The following HUS1 variants were observed in gnomAD, a reference collection of about 807,000 sequenced individuals.
HUS1 encodes the protein checkpoint protein HUS1.
A neutral mutation model predicts 32.6 loss-of-function variants in HUS1; 31 were observed. The ratio of observed to expected loss-of-function variants is 0.95; its 90% CI spans 0.72 to 1.28. HUS1 has a LOEUF of 1.28. Among genes scored for constraint, HUS1 ranks in the 50% most tolerant of loss-of-function variants. HUS1 has a pLI of 0.00. For missense variants in HUS1, 340 were observed against 337.7 expected, an observed-to-expected ratio of 1.01 and a Z score of -0.05; for synonymous variants, 123 against 116.6, an observed-to-expected ratio of 1.06 and a Z score of -0.36.
chr7:47,966,257 G>A (rs1249614587), intron 7 of HUS1, among the ~76,000 whole-genome samples: 1 of 152,180 alleles, frequency 6.6e-6, no homozygotes, highest in Non-Finnish European at 1.5e-5. Flanking sequence ...AACAGAGACA[G>A]AAAAGGGGCT....
chr7:47,976,410 A>G (rs1296866781), intron 4 of HUS1: 1 of 470,358 alleles, frequency 2.1e-6, no homozygotes, highest in Non-Finnish European at 4.2e-6. Context: ...CGGCTGAGGA[A>G]AAGATCAAGT....
chr7:47,979,067 C>T (rs1788770765), intron 1 of HUS1, among the ~76,000 whole-genome samples: 2 of 152,038 alleles, frequency 1.3e-5, no homozygotes, highest in Admixed American at 6.5e-5. Context: ...TTCATTCATT[C>T]AACATGGATT....
chr7:47,967,896 C>T lies in HUS1; in HGVS notation c.670G>A (p.Val224Met), dbSNP rs765701835. The T allele has an allele frequency of 3.0e-5, 49 of 1,613,626 alleles. No individual in the cohort carries two copies. Among genetic ancestry groups the T allele is most frequent in the Middle Eastern group, 3.3e-4 (2 of 6,080 alleles). ...ATGTGCACTTCAGCCATGTGTTCCA[C>T]GTTTCTGTCCTCATGGGTGCTTTCA... is the stretch of plus-strand genomic sequence containing the variant. ...ASESTHEDRNVEHMAEVHIDI... is the reference protein window; with the variant it reads ...ASESTHEDRNMEHMAEVHIDI... Residue 224 changes from valine to methionine, a missense_variant, in exon 7 of 8, where the codon GTG (valine) becomes ATG (methionine). By Grantham distance (21) the Val-to-Met change is conservative (BLOSUM62 1). Transcript: ENST00000258774.
chr7:47,967,730 A>T, intron 7 of HUS1, 76 bp downstream of exon 7: 1 of 1,266,628 alleles, frequency 7.9e-7, no homozygotes, highest in Non-Finnish European at 1.1e-6. Flanking sequence ...ACTATATGCA[A>T]TCTGTTAGAC....
At chr7:47,973,491 G>A (rs1197268511) in intron 5 of HUS1, among the ~76,000 whole-genome samples, 1 of 152,202 alleles carries the variant, frequency 6.6e-6, no homozygotes, top group African/African-American at 2.4e-5. Context: ...GCTCCTGCAT[G>A]AGTCACATAC....
intron 5 of HUS1, among the ~76,000 whole-genome samples, chr7:47,971,668 G>C (rs1348358664): frequency 6.6e-6 from 1 of 152,106 alleles, no homozygotes; most frequent in Admixed American, 6.6e-5. Flanking sequence ...TAAAGCCTAG[G>C]AGGTCTCTGG....
chr7:47,965,586 T>C (rs998346458), intron 7 of HUS1, 148 bp from the exon 8 acceptor site: 22 of 613,424 alleles, frequency 3.6e-5, no homozygotes, highest in African/African-American at 2.4e-4. Context: ...AGTCTCTCAC[T>C]CTCACTGCCA....
chr7:47,978,230 A>G (rs1788748160), intron 3 of HUS1, 187 bp downstream of exon 3: 4 of 526,054 alleles, frequency 7.6e-6, no homozygotes, highest in Non-Finnish European at 1.3e-5. Flanking sequence ...AATGCATATG[A>G]TAACAACACA....
chr7:47,965,185 C>A lies in HUS1; in HGVS notation c.*171G>T. 3.8e-6 allele frequency: 2 copies of A among 522,890 alleles called. No homozygotes were observed. Among genetic ancestry groups the A allele is most frequent in the Admixed American group, 3.1e-5 (1 of 32,368 alleles). 32.4% of individuals were successfully genotyped at this position (522,890 alleles called of 1,614,324 possible). ...GAGCAACATGAAGTGATATGTTTAT[C>A]CAACTGTGTGTTGTTGAATCAACTT... On this transcript the variant is annotated 3_prime_UTR_variant, in exon 8 of 8. Transcript: ENST00000258774.
chr7:47,979,020 T>C (rs1788769818), intron 1 of HUS1: 1 of 583,258 alleles, frequency 1.7e-6, no homozygotes, highest in Admixed American at 3.1e-5. Flanking sequence ...GCACACATCA[T>C]CAGTGTTCAA....
At position 47,979,534 on chromosome 7, in the gene HUS1, C is replaced by G; in HGVS notation, c.-15G>C. 1.9e-6 allele frequency: 3 copies of G among 1,599,674 alleles called. No individual in the cohort carries two copies. Among genetic ancestry groups the G allele is most frequent in the Non-Finnish European group, 2.6e-6 (3 of 1,174,782 alleles). On this transcript the variant is annotated 5_prime_UTR_variant, in exon 1 of 8. Transcript: ENST00000258774. The stretch of plus-strand genomic sequence containing the variant: ...CGAAACTTCATGGCCGCGGATGGCG[C>G]AGCCGCGGCGGGCCTCTGTGGGTAA...
chr7:47,975,103 G>A (rs1333525831), intron 5 of HUS1, among the ~76,000 whole-genome samples: 18 of 152,182 alleles, frequency 1.2e-4, no homozygotes, highest in Admixed American at 1.2e-3. Flanking sequence ...CACGAGGTCA[G>A]GAGATCGAGA....
In HUS1 at chr7:47,969,220, TA is replaced by T; in HGVS notation, c.638del (p.Leu213Ter). ...THFKDLGNPPLASESTHEDRN... is the reference protein window; with the variant it reads ...THFKDLGNPPXASESTHEDRN... Reference sequence around the variant, plus strand: ...AATATAACCCACTAGAAAACTTACCTAATGGAGGATTTCCAAGATCTTTAAA... The same window carrying T: ...AATATAACCCACTAGAAAACTTACCTATGGAGGATTTCCAAGATCTTTAAA... On this transcript the variant is annotated frameshift_variant and splice_region_variant, in exon 6 of 8. Coordinates refer to ENST00000258774, the MANE Select transcript of HUS1 (RefSeq NM_004507.4). LOFTEE classifies it high-confidence loss of function. 1 of 1,499,440 alleles carries T rather than the reference TA, an allele frequency of 6.7e-7. No individual in the cohort carries two copies. The highest frequency in any genetic ancestry group is 1.2e-5 in the South Asian group (1 of 84,738). 92.9% of individuals were successfully genotyped at this position (1,499,440 alleles called of 1,614,324 possible).
At chr7:47,975,413 G>T (rs1470778618) in intron 5 of HUS1, among the ~76,000 whole-genome samples, 200 bp downstream of exon 5, 4 of 151,674 alleles carry the variant, frequency 2.6e-5, no homozygotes, top group Non-Finnish European at 4.4e-5. Context: ...TTTCCTCAAA[G>T]AATTAGAGTT....
chr7:47,968,216 A>C (rs948230435), intron 6 of HUS1, among the ~76,000 whole-genome samples: 1 of 152,202 alleles, frequency 6.6e-6, no homozygotes, highest in Non-Finnish European at 1.5e-5. Context: ...TATGTATTTT[A>C]AGAGTGAAAA....
chr7:47,970,089 C>T (rs1356202366), intron 5 of HUS1, among the ~76,000 whole-genome samples: 1 of 151,494 alleles, frequency 6.6e-6, no homozygotes, highest in Non-Finnish European at 1.5e-5. Flanking sequence ...AAAAATTAGC[C>T]GGGCGTGGTG....
rs750367326 is a variant in HUS1, at chr7:47,967,967, G to A, written c.641-42C>T. On this transcript the variant is annotated intron_variant, in intron 6 of 7. Transcript: ENST00000258774. ...GCATTTAAATACAACATCTTCCCAC[G>A]TAACAGGAAACCTGGAGATACTCAA... 2.7e-5 allele frequency: 43 copies of A among 1,588,192 alleles called. No individual in the cohort carries two copies. The African/African-American group carries it at 3.0e-4, about 11-fold the overall frequency.
chr7:47,976,639 A>C, intron 4 of HUS1, 91 bp downstream of exon 4: 1 of 787,048 alleles, frequency 1.3e-6, no homozygotes, highest in Non-Finnish European at 2.2e-6. Flanking sequence ...CTTTAAAAAT[A>C]AAATATACTG....
chr7:47,969,368 A>G (rs1303597775), intron 5 of HUS1, 50 bp from the exon 6 acceptor site: 1 of 1,029,016 alleles, frequency 9.7e-7, no homozygotes, highest in South Asian at 1.4e-5. Context: ...CCAAAAGGAA[A>G]AAAACTCCAT....
Sources: allele counts gnomAD v4.1 joint callset (sites outside exome capture counted in the v4.1 genomes callset), GRCh38; gene constraint gnomAD v4.1.1; transcripts MANE v1.5; gene names NCBI Gene and HGNC (gene_info 2026-07-23, HGNC 2026-07-21).